PPL: variants seen among roughly 807,000 people sequenced by gnomAD.
The protein encoded by PPL is 190 kDa paraneoplastic pemphigus antigen.
PPL carries 198 observed loss-of-function variants against 194.4 expected under a neutral mutation model. The ratio of observed to expected loss-of-function variants is 1.02; its 90% CI spans 0.91 to 1.15. The LOEUF (loss-of-function observed/expected upper bound fraction) is 1.15. Among genes scored for constraint, PPL ranks in the 50% most tolerant of loss-of-function variants. The pLI, the probability that PPL is intolerant of heterozygous loss-of-function variation, is 0.00. For synonymous variants in PPL, 1,220 were observed against 972.4 expected (o/e 1.25, Z -4.74); for missense variants, 2,885 against 2,294.8 (o/e 1.26, Z -5.25).
Position 4,889,241 on chromosome 16 carries a change from G to GGTTTTTTTTTTTTTTT in PPL, c.2314-181_2314-180insAAAAAAAAAAAAAAAC, listed in dbSNP as rs1442783436. 8.1e-4 allele frequency among the ~76,000 whole-genome samples: 54 copies of GGTTTTTTTTTTTTTTT among 66,632 alleles called. 6 individuals are homozygous for GGTTTTTTTTTTTTTTT. The highest frequency in any genetic ancestry group is 0.022 in the Middle Eastern group (2 of 90). The allele number at this position is 66,632 out of a possible 152,430, so 43.7% of individuals were successfully genotyped here. The stretch of plus-strand genomic sequence containing the variant: ...AAAAGGCAGTTTTTTTGTTGTTGTT[G>GGTTTTTTTTTTTTTTT]TTTTTTTTTTTTTTTTTTTTTTTTT... On this transcript the variant is annotated intron_variant, in intron 18 of 21. Coordinates refer to ENST00000345988, the MANE Select transcript of PPL (RefSeq NM_002705.5).
At chr16:4,935,476 G>C (rs1417333389) in intron 1 of PPL, among the ~76,000 whole-genome samples, 2 of 152,208 alleles carry the variant, frequency 1.3e-5, no homozygotes. Flanking sequence ...AACAGTGCAG[G>C]GACTGGACGG....
intron 1 of PPL, among the ~76,000 whole-genome samples, chr16:4,927,858 C>T (rs574759462): frequency 2.0e-5 from 3 of 152,318 alleles, no homozygotes; most frequent in East Asian, 1.9e-4. Flanking sequence ...TACAAACATA[C>T]AGAAGTTCAA....
chr16:4,889,241 G>GTT (rs869094472), intron 18 of PPL, among the ~76,000 whole-genome samples, 180 bp from the exon 19 acceptor site: 18 of 66,628 alleles, frequency 2.7e-4, no homozygotes, highest in African/African-American at 1.4e-3. Context: ...TGTTGTTGTT[G>GTT]TTTTTTTTTT....
chr16:4,886,401 A>G (rs2088220490), intron 21 of PPL, among the ~76,000 whole-genome samples: 1 of 152,190 alleles, frequency 6.6e-6, no homozygotes, highest in Non-Finnish European at 1.5e-5. Context: ...TCCTGCACAA[A>G]TGGTATTCCT....
intron 8 of PPL, 90 bp from the exon 9 acceptor site, chr16:4,897,860 G>T (rs1003113422): frequency 2.0e-6 from 2 of 998,024 alleles, no homozygotes; most frequent in Non-Finnish European, 1.5e-6. Flanking sequence ...GGGGCATGGC[G>T]GGGGAGGGAG....
In PPL at chr16:4,885,072, G is replaced by C. The variant is rs770649877; in HGVS notation, c.3583C>G (p.Leu1195Val). The C allele has an allele frequency of 6.2e-7, 1 of 1,613,584 alleles. No individual in the cohort carries two copies. The highest frequency in any genetic ancestry group is 1.3e-5 in the African/African-American group (1 of 74,908). The change falls in exon 22 of 22, where the codon CTT becomes GTT. Residue 1195 changes from leucine to valine, a missense_variant. Transcript: ENST00000345988. This position sits in a 1 kb window ranked among gnomAD's most constrained non-coding sequence, Gnocchi z 6.3. ...CGGTACTTTCGCTCCTGCTCCACAA[G>C]CTCCAGGCGGAGGTTCGCCACTTCA... ...ESEVANLRLE[L>V]VEQERKYRGA... is the part of the protein sequence containing the mutation.
chr16:4,885,135 C>G lies in PPL; in HGVS notation c.3520G>C (p.Val1174Leu). 1 of 1,614,086 alleles carries G rather than the reference C, an allele frequency of 6.2e-7. No individual in the cohort carries two copies. Among genetic ancestry groups the G allele is most frequent in the Non-Finnish European group, 8.5e-7 (1 of 1,180,030 alleles). The change falls in exon 22 of 22, where the codon GTG becomes CTG. Residue 1174 changes from valine to leucine, a missense_variant. By Grantham distance (32) the Val-to-Leu change is conservative. Coordinates refer to ENST00000345988, the MANE Select transcript of PPL (RefSeq NM_002705.5). This position sits in a 1 kb window ranked among gnomAD's most constrained non-coding sequence, Gnocchi z 6.3. ...ENAKVVVQEK[V>L]REIVRPDPKA... is the part of the protein sequence containing the mutation. ...GGGTCTGGCCGCACGATCTCCCGCA[C>G]CTTCTCCTGCACCACCACTTTGGCG...
At chr16:4,911,078 A>T in intron 1 of PPL, 129 bp from the exon 2 acceptor site, 7 of 624,462 alleles carry the variant, frequency 1.1e-5, no homozygotes, top group Non-Finnish European at 1.9e-5. Context: ...AGAGCCTTTG[A>T]GGTAGTTGGG....
intron 1 of PPL, among the ~76,000 whole-genome samples, chr16:4,923,554 G>A (rs566538438): frequency 2.0e-5 from 3 of 152,224 alleles, no homozygotes; most frequent in East Asian, 1.9e-4. Context: ...GTCTTCAGCT[G>A]TACCTGTTCA....
chr16:4,912,975 G>C (rs1335015447), intron 1 of PPL, among the ~76,000 whole-genome samples: 2 of 151,998 alleles, frequency 1.3e-5, no homozygotes, highest in Non-Finnish European at 2.9e-5. Flanking sequence ...GTGGTGGCAT[G>C]CGCCTGTAGT....
intron 16 of PPL, 193 bp downstream of exon 16, chr16:4,891,618 C>T (rs1349523300): frequency 3.2e-6 from 2 of 632,222 alleles, no homozygotes; most frequent in East Asian, 3.0e-5. Flanking sequence ...ACCCGAAATC[C>T]CGTAAGTCAC....
Position 4,895,457 on chromosome 16 carries a change from T to C in PPL, c.1096-50A>G, listed in dbSNP as rs1338341714. The C allele has an allele frequency of 3.7e-6, 6 of 1,606,748 alleles. 1 individual carries two copies. The highest frequency in any genetic ancestry group is 3.3e-5 in the South Asian group (3 of 90,870). On this transcript the variant is annotated intron_variant, in intron 10 of 21. Transcript: ENST00000345988. ...CAGGTGAGACCAACAGCCTTCCCCC[T>C]GGTGGGAGGACGCAGAGCAGGGGCT...
chr16:4,898,776 A>C (rs1222934754), intron 8 of PPL, among the ~76,000 whole-genome samples: 1 of 152,226 alleles, frequency 6.6e-6, no homozygotes, highest in Non-Finnish European at 1.5e-5. Context: ...CAACTCTAGG[A>C]AACTAATACA....
intron 1 of PPL, among the ~76,000 whole-genome samples, chr16:4,928,699 T>C (rs2089190309): frequency 6.6e-6 from 1 of 152,210 alleles, no homozygotes; most frequent in African/African-American, 2.4e-5. Context: ...GCTTCAACCC[T>C]GCTTCAATCT....
Position 4,889,226 on chromosome 16 carries a change from T to TTC in PPL, c.2314-166_2314-165insGA, listed in dbSNP as rs2088270195. On this transcript the variant is annotated intron_variant, in intron 18 of 21. Transcript: ENST00000345988. Reference sequence around the variant, plus strand: ...ATTTTTATTCATTGCAAAAGGCAGTTTTTTTGTTGTTGTTGTTTTTTTTTT... The same window carrying TTC: ...ATTTTTATTCATTGCAAAAGGCAGTTTCTTTTTGTTGTTGTTGTTTTTTTTTT... 2.4e-5 allele frequency among the ~76,000 whole-genome samples: 2 copies of TTC among 82,154 alleles called. 1 individual carries two copies. Among genetic ancestry groups the TTC allele is most frequent in the Non-Finnish European group, 5.7e-5 (2 of 35,044 alleles). The allele number at this position is 82,154 out of a possible 152,430, so 53.9% of individuals were successfully genotyped here.
chr16:4,903,823 A>G lies in PPL; in HGVS notation c.317+63T>C, dbSNP rs543680244. On this transcript the variant is annotated intron_variant, in intron 3 of 21. Coordinates refer to ENST00000345988, the MANE Select transcript of PPL (RefSeq NM_002705.5). ...CTCGGGCTCCCAAATGCTGAACAGG[A>G]CCCCCCGCCCTGGCCCATAGCCCCC... 1.3e-5 allele frequency: 20 copies of G among 1,586,906 alleles called. No homozygotes were observed. The African/African-American group carries it at 1.8e-4, about 14-fold the overall frequency.
chr16:4,895,190 A>T (rs984183004), intron 11 of PPL, 71 bp downstream of exon 11: 28 of 1,489,812 alleles, frequency 1.9e-5, no homozygotes, highest in Non-Finnish European at 2.5e-5. Context: ...ACGGCGCCTG[A>T]GGCCCGGGAT....
intron 11 of PPL, 40 bp from the exon 12 acceptor site, chr16:4,894,658 C>G: frequency 6.3e-7 from 1 of 1,596,086 alleles, no homozygotes; most frequent in Non-Finnish European, 8.5e-7. Context: ...CCCGGCAGGG[C>G]CTGAGGGCCT....
rs1301814912 is a variant in PPL, at chr16:4,920,286, AAAAG to A, written c.63-9341_63-9338del. Among the ~76,000 whole-genome samples the A allele has an allele frequency of 2.5e-4, 28 of 113,878 alleles. 1 individual carries two copies. The highest frequency in any genetic ancestry group is 6.0e-4 in the South Asian group (2 of 3,316). 74.7% of individuals were successfully genotyped at this position (113,878 alleles called of 152,430 possible). On this transcript the variant is annotated intron_variant, in intron 1 of 21. Coordinates refer to ENST00000345988, the MANE Select transcript of PPL (RefSeq NM_002705.5). ...CAACAGAACAAGACTCTGTCTCAAAAAAAGAAAGAAAGAAAGAAGGAAAGAAGGA... is the reference window on the plus strand; with the variant it reads ...CAACAGAACAAGACTCTGTCTCAAAAAAAGAAAGAAAGAAGGAAAGAAGGA...
Sources: gnomAD v4.1 joint callset for allele counts (sites outside exome capture counted in the v4.1 genomes callset) on GRCh38, gnomAD v4.1.1 for gene constraint, Gnocchi (gnomAD v3.1) non-coding constraint, MANE v1.5 for transcripts, NCBI Gene and HGNC (gene_info 2026-07-23, HGNC 2026-07-21) for gene names.